HMCN1: variants seen among roughly 807,000 people sequenced by gnomAD.
The protein encoded by HMCN1 is hemicentin-1.
HMCN1 carries 321 observed loss-of-function variants against 625.9 expected under a neutral mutation model. The ratio of observed to expected loss-of-function variants is 0.51; its 90% CI spans 0.47 to 0.56. The LOEUF (loss-of-function observed/expected upper bound fraction) is 0.56. Ranked by LOEUF, HMCN1 falls within the 20% of genes least tolerant of loss-of-function variation. HMCN1 has a pLI of 0.00. For missense variants in HMCN1, 6,588 were observed against 6,887.3 expected (o/e 0.96, Z 1.54); for synonymous variants, 2,425 against 2,417.6 (o/e 1.00, Z -0.09).
rs543571037 is a variant in HMCN1 at position 185,793,381 on chromosome 1, A to G, written c.269-52645A>G. 5.3e-5 allele frequency among the ~76,000 whole-genome samples: 8 copies of G among 152,174 alleles called. No individual in the cohort carries two copies. The East Asian group carries it at 1.5e-3, about 29-fold the overall frequency. On this transcript the variant is annotated intron_variant, in intron 1 of 106. Coordinates refer to ENST00000271588, the MANE Select transcript of HMCN1 (RefSeq NM_031935.3). ...TCCTTGCTTCATGCTGGCTTCTGCT[A>G]CTATTGTTAAATCTTCTGTGACTCG...
intron 68 of HMCN1, among the ~76,000 whole-genome samples, chr1:186,101,513 A>G (rs995371554): frequency 6.6e-6 from 1 of 152,138 alleles, no homozygotes; most frequent in Admixed American, 6.6e-5. Context: ...CTCAGAAGAG[A>G]GTCTAGGCTG....
At chr1:185,775,666 AC>A (rs919497734) in intron 1 of HMCN1, among the ~76,000 whole-genome samples, 4 of 152,308 alleles carry the variant, frequency 2.6e-5, no homozygotes, top group African/African-American at 9.6e-5. Context: ...CTGGAGGGAA[AC>A]AAAAAGGGAT....
Position 186,121,133 on chromosome 1 carries a change from G to A in HMCN1, c.12229+988G>A, listed in dbSNP as rs118010569. Reference sequence around the variant, plus strand: ...CAGTGACCCCAAGTCAAGAAAGAGTGAGAAAAGAAAGTATGGCAGTGTGGC... The same window carrying A: ...CAGTGACCCCAAGTCAAGAAAGAGTAAGAAAAGAAAGTATGGCAGTGTGGC... On this transcript the variant is annotated intron_variant, in intron 80 of 106. Transcript: ENST00000271588. 1.6e-3 allele frequency among the ~76,000 whole-genome samples: 239 copies of A among 152,304 alleles called. 4 individuals carry two copies. The South Asian group carries it at 0.028, about 18-fold the overall frequency.
intron 1 of HMCN1, among the ~76,000 whole-genome samples, chr1:185,826,035 G>T (rs1660490434): frequency 6.6e-6 from 1 of 152,078 alleles, no homozygotes; most frequent in Non-Finnish European, 1.5e-5. Flanking sequence ...GACAAATCTG[G>T]GCTGTGCTAT....
intron 30 of HMCN1, among the ~76,000 whole-genome samples, chr1:186,012,849 T>C (rs887867434): frequency 2.0e-5 from 3 of 152,188 alleles, no homozygotes; most frequent in African/African-American, 7.2e-5. Flanking sequence ...GGTGGCTGCT[T>C]AGTCTAGTGT....
Position 186,039,775 on chromosome 1 carries a change from A to C in HMCN1, c.6076A>C (p.Asn2026His). 1 of 1,613,552 alleles carries C rather than the reference A, an allele frequency of 6.2e-7. No homozygotes were observed. The highest frequency in any genetic ancestry group is 8.5e-7 in the Non-Finnish European group (1 of 1,179,612). The stretch of plus-strand genomic sequence containing the variant: ...CAATAACATGGTGGCAGTGGTGGTT[A>C]ATAACCCGGTGAGGTTAGAATGTGA... ...GSNNMVAVVV[N>H]NPVRLECEAR... The change falls in exon 39 of 107, where the codon AAT becomes CAT. Residue 2026 changes from asparagine to histidine, a missense_variant. Asn to His is a moderately conservative substitution (Grantham distance 68). This residue lies in a region of HMCN1 where 4,628 missense variants were observed against 4,853.1 expected (regional missense o/e 0.95). Coordinates refer to ENST00000271588, the MANE Select transcript of HMCN1 (RefSeq NM_031935.3).
At chr1:186,185,999 A>G (rs759231641) in intron 105 of HMCN1, among the ~76,000 whole-genome samples, 17 of 152,218 alleles carry the variant, frequency 1.1e-4, no homozygotes, top group African/African-American at 1.9e-4. Flanking sequence ...ATAAGTTTAA[A>G]TAGTTGCAAA....
In HMCN1 at chr1:186,166,061, A is replaced by G. The variant is rs1166876672; in HGVS notation, c.15320-123A>G. On this transcript the variant is annotated intron_variant, in intron 98 of 106. Transcript: ENST00000271588. ...GAATTCATTTTGTGGCACTTAAAGC[A>G]TTTTCTATTATATTTGATTCAACTT... The G allele has an allele frequency of 3.9e-6, 4 of 1,027,850 alleles. No individual in the cohort carries two copies. The Admixed American group carries it at 8.7e-5, about 22-fold the overall frequency. The allele number at this position is 1,027,850 out of a possible 1,614,324, so 63.7% of individuals were successfully genotyped here. A position where few individuals can be genotyped will look rare whatever the true frequency, so the allele number is the denominator to read the frequency against.
At position 186,005,314 on chromosome 1, in the gene HMCN1, A is replaced by C. The variant is rs185625739; in HGVS notation, c.4475+1470A>C. Among the ~76,000 whole-genome samples, 357 of 143,180 alleles carry C rather than the reference A, an allele frequency of 2.5e-3. 27 individuals are homozygous for C. Among genetic ancestry groups the C allele is most frequent in the Middle Eastern group, 6.5e-3 (1 of 154 alleles). 93.9% of individuals were successfully genotyped at this position (143,180 alleles called of 152,430 possible). ...ATTTTTAATTGTTTAAATTGTTTATAAATGTTTATAAACAATTTTTTAATT... is the reference window on the plus strand; with the variant it reads ...ATTTTTAATTGTTTAAATTGTTTATCAATGTTTATAAACAATTTTTTAATT... On this transcript the variant is annotated intron_variant, in intron 29 of 106. Coordinates refer to ENST00000271588, the MANE Select transcript of HMCN1 (RefSeq NM_031935.3).
chr1:186,108,083 A>G (rs1013709373), intron 70 of HMCN1, among the ~76,000 whole-genome samples: 3 of 149,784 alleles, frequency 2.0e-5, no homozygotes, highest in African/African-American at 7.3e-5. Flanking sequence ...TACAGTCTGT[A>G]TATTATGATG....
chr1:185,898,459 C>T (rs1486631262), intron 4 of HMCN1, among the ~76,000 whole-genome samples: 1 of 150,706 alleles, frequency 6.6e-6, no homozygotes, highest in Non-Finnish European at 1.5e-5. Context: ...GCCAATTAAA[C>T]TGTAAGCAGA....
chr1:186,181,488 T>C (rs2102665268), intron 104 of HMCN1, among the ~76,000 whole-genome samples: 2 of 152,226 alleles, frequency 1.3e-5, no homozygotes, highest in Admixed American at 1.3e-4. Flanking sequence ...AACAAAACTG[T>C]GAAGTAGGGC....
rs899959209 is a variant in HMCN1 at position 185,995,393 on chromosome 1, A to G, written c.3778+306A>G. Among the ~76,000 whole-genome samples, 15 of 152,092 alleles carry G rather than the reference A, an allele frequency of 9.9e-5. 1 individual carries two copies. The highest frequency in any genetic ancestry group is 5.9e-4 in the Admixed American group (9 of 15,250). On this transcript the variant is annotated intron_variant, in intron 24 of 106. Coordinates refer to ENST00000271588, the MANE Select transcript of HMCN1 (RefSeq NM_031935.3). Reference sequence around the variant, plus strand: ...TTTGGGAGACATTGTGGGAAGAGTGAGTTGGAGTAGGTTGTCACCTCACAG... The same window carrying G: ...TTTGGGAGACATTGTGGGAAGAGTGGGTTGGAGTAGGTTGTCACCTCACAG...
intron 91 of HMCN1, 103 bp downstream of exon 91, chr1:186,144,806 T>G: frequency 1.5e-6 from 2 of 1,361,632 alleles, no homozygotes; most frequent in Non-Finnish European, 2.1e-6. Context: ...TCTTCAACCT[T>G]TGGTTTAGGA....
rs371177896 is a variant in HMCN1 at position 185,911,711 on chromosome 1, A to G, written c.831A>G (p.Leu277=). The G allele has an allele frequency of 1.2e-6, 2 of 1,613,564 alleles. No individual in the cohort carries two copies. The highest frequency in any genetic ancestry group is 8.5e-7 in the Non-Finnish European group (1 of 1,179,560). Residue 277 remains leucine (L), a synonymous_variant, in exon 6 of 107, where the codon CTA becomes CTG. Coordinates refer to ENST00000271588, the MANE Select transcript of HMCN1 (RefSeq NM_031935.3). ...LIKKGFGLHE[L]LNIHNSAKVV... is the part of the protein sequence containing the mutation. Reference sequence around the variant, plus strand: ...AAAAGGGATTTGGCCTGCATGAGCTATTAAATATCCATAACTCTGCCAAAG... The same window carrying G: ...AAAAGGGATTTGGCCTGCATGAGCTGTTAAATATCCATAACTCTGCCAAAG...
Position 185,749,497 on chromosome 1 carries a change from C to T in HMCN1, c.268+14450C>T, listed in dbSNP as rs73058385. Among the ~76,000 whole-genome samples the T allele has an allele frequency of 9.5e-3, 1,439 of 152,234 alleles. 19 individuals carry two copies. Among genetic ancestry groups the T allele is most frequent in the African/African-American group, 0.033 (1,382 of 41,520 alleles). ...AAGTACCTCACGTTTATCATCAACC[C>T]GTCCCCACCCTACATGTGTCTTCTC... On this transcript the variant is annotated intron_variant, in intron 1 of 106. Transcript: ENST00000271588.
At chr1:186,131,708 C>T (rs781450834) in intron 85 of HMCN1, among the ~76,000 whole-genome samples, 13 of 152,100 alleles carry the variant, frequency 8.5e-5, no homozygotes, top group South Asian at 4.1e-4. Flanking sequence ...AGACCTTCAG[C>T]GAAATCTGTG....
At chr1:186,157,238 T>G (rs1651082931) in intron 97 of HMCN1, among the ~76,000 whole-genome samples, 1 of 152,316 alleles carries the variant, frequency 6.6e-6, no homozygotes. Context: ...TACCAGAATT[T>G]TATGCTTTTC....
intron 2 of HMCN1, among the ~76,000 whole-genome samples, chr1:185,855,569 T>C (rs1041366814): frequency 4.6e-5 from 7 of 152,200 alleles, no homozygotes; most frequent in African/African-American, 1.7e-4. Context: ...ATCAAGATAT[T>C]GAGTGCCTGG....
Sources: gnomAD v4.1 joint callset for allele counts (sites outside exome capture counted in the v4.1 genomes callset) on GRCh38, gnomAD v4.1.1 for gene constraint, gnomAD v4.1.1 regional missense constraint, MANE v1.5 for transcripts, NCBI Gene and HGNC (gene_info 2026-07-23, HGNC 2026-07-21) for gene names.